Variants in ZEB1 observed in about 807,000 individuals in gnomAD.
The protein encoded by ZEB1 is zinc finger E-box-binding homeobox 1.
ZEB1 carries 21 observed loss-of-function variants against 84.9 expected under a neutral mutation model. That is an observed-to-expected ratio of 0.25 (90% CI 0.18 to 0.36). ZEB1 has a LOEUF of 0.36. ZEB1 is among the 10% of genes least tolerant of loss of function. The pLI, the probability that ZEB1 is intolerant of heterozygous loss-of-function variation, is 1.00. For missense variants in ZEB1, 1,104 were observed against 1,330.2 expected, an observed-to-expected ratio of 0.83 and a Z score of 2.65; for synonymous variants, 420 against 471.1, an observed-to-expected ratio of 0.89 and a Z score of 1.41.
intron 2 of ZEB1, among the ~76,000 whole-genome samples, chr10:31,471,094 A>G (rs1187131505): frequency 7.6e-6 from 1 of 132,012 alleles, no homozygotes; most frequent in Admixed American, 7.7e-5. Context: ...AACCGGTACC[A>G]GCCGCTGCAA....
intron 1 of ZEB1, among the ~76,000 whole-genome samples, chr10:31,370,726 CTT>C (rs907164843): frequency 1.2e-4 from 18 of 152,082 alleles, no homozygotes; most frequent in Admixed American, 5.2e-4. Flanking sequence ...AGGTGTAACT[CTT>C]TCTTTCTTTG....
chr10:31,429,732 A>ATTTTTTTT (rs2057454560), intron 1 of ZEB1, among the ~76,000 whole-genome samples: 1 of 124,006 alleles, frequency 8.1e-6, no homozygotes, highest in African/African-American at 3.6e-5. Flanking sequence ...TACAGGCAGA[A>ATTTTTTTT]CTTTTTTTTT....
Position 31,527,336 on chromosome 10 carries a change from G to A in ZEB1, c.*72G>A. 6.5e-7 allele frequency: 1 copy of A among 1,535,844 alleles called. No homozygotes were observed. Among genetic ancestry groups the A allele is most frequent in the Non-Finnish European group, 8.7e-7 (1 of 1,145,026 alleles). Reference sequence around the variant, plus strand: ...TTCAATATTATCCTTGCTTTTCATGGAAACACAGTAACCTGTATGCTGTGA... The same window carrying A: ...TTCAATATTATCCTTGCTTTTCATGAAAACACAGTAACCTGTATGCTGTGA... On this transcript the variant is annotated 3_prime_UTR_variant, in exon 9 of 9. Transcript: ENST00000424869.
At chr10:31,321,587 G>A (rs374782367) in intron 1 of ZEB1, 85 of 1,613,392 alleles carry the variant, frequency 5.3e-5, no homozygotes, top group Non-Finnish European at 6.8e-5. Context: ...AATGTTGATC[G>A]CCAGAGAAAG....
intron 1 of ZEB1, among the ~76,000 whole-genome samples, chr10:31,349,449 G>C (rs1468360978): frequency 6.6e-6 from 1 of 152,150 alleles, no homozygotes; most frequent in Non-Finnish European, 1.5e-5. Flanking sequence ...TGGTGAGACT[G>C]GTGGATCATA....
At chr10:31,398,769 T>G (rs1433468197) in intron 1 of ZEB1, among the ~76,000 whole-genome samples, 2 of 152,132 alleles carry the variant, frequency 1.3e-5, no homozygotes, top group East Asian at 3.9e-4. Flanking sequence ...GCCTTTTAGA[T>G]ACTATACTAC....
chr10:31,463,061 T>C (rs925164383), intron 2 of ZEB1, among the ~76,000 whole-genome samples: 5 of 152,298 alleles, frequency 3.3e-5, no homozygotes, highest in Middle Eastern at 3.4e-3. Context: ...CTGTTAATGT[T>C]AATACTAAGC....
intron 1 of ZEB1, among the ~76,000 whole-genome samples, chr10:31,409,585 T>A (rs890650345): frequency 1.3e-5 from 2 of 152,208 alleles, no homozygotes; most frequent in African/African-American, 4.8e-5. Context: ...ACATTCAATT[T>A]GTAAATTACC....
chr10:31,473,297 T>C (rs1217381459), intron 2 of ZEB1, among the ~76,000 whole-genome samples: 1 of 149,158 alleles, frequency 6.7e-6, no homozygotes, highest in African/African-American at 2.5e-5. Flanking sequence ...CATGATTGTA[T>C]ATCTAGAAAA....
intron 3 of ZEB1, among the ~76,000 whole-genome samples, chr10:31,501,750 A>G: frequency 6.6e-6 from 1 of 152,150 alleles, no homozygotes; most frequent in East Asian, 1.9e-4. Context: ...TATAAATTTT[A>G]TACAGAGTTG....
intron 1 of ZEB1, among the ~76,000 whole-genome samples, chr10:31,420,167 T>G (rs556187624): frequency 6.6e-6 from 1 of 152,280 alleles, no homozygotes; most frequent in Admixed American, 6.5e-5. Context: ...TCTTCTTTAC[T>G]CTTAGAAAAG....
rs1476286159 is a variant in ZEB1, at chr10:31,319,273, G to A, written c.39G>A (p.Ala13=). ...DGPRCKRRKQ[A]NPRRNNVTNY... ...CCAGGTGTAAGCGCAGAAAGCAGGC[G>A]AACCCGCGGCGCAATAACGGTGAGT... is the stretch of plus-strand genomic sequence containing the variant. The change falls in exon 1 of 9, where the codon GCG becomes GCA. Residue 13 remains alanine, a synonymous_variant. Transcript: ENST00000424869. The A allele has an allele frequency of 3.1e-6, 5 of 1,609,948 alleles. No individual in the cohort carries two copies. Among genetic ancestry groups the A allele is most frequent in the Non-Finnish European group, 4.2e-6 (5 of 1,178,648 alleles).
At chr10:31,426,255 C>A (rs1019595443) in intron 1 of ZEB1, among the ~76,000 whole-genome samples, 2 of 152,122 alleles carry the variant, frequency 1.3e-5, no homozygotes, top group African/African-American at 2.4e-5. Flanking sequence ...AAGATTCAAG[C>A]TATAAGTTGA....
intron 1 of ZEB1, among the ~76,000 whole-genome samples, chr10:31,425,743 C>T (rs1414287453): frequency 6.6e-6 from 1 of 151,844 alleles, no homozygotes. Context: ...TCTTGATTTC[C>T]TCTTGTCTTA....
rs578033653 is a variant in ZEB1, at chr10:31,520,945, G to A, written c.1613G>A (p.Cys538Tyr). Residue 538 changes from cysteine (C) to tyrosine (Y), a missense_variant, in exon 7 of 9, where the codon TGT (cysteine) becomes TAT (tyrosine). Cys to Tyr is a radical substitution (Grantham distance 194). This residue lies in a region of ZEB1 where 531 missense variants were observed against 575.2 expected (regional missense o/e 0.92). Transcript: ENST00000424869. This position sits in a 1 kb window ranked among gnomAD's most constrained non-coding sequence, Gnocchi z 5.1. ...NDSTCLLCDD[C>Y]PGDINALPEL... ...AGCACTTGTCTTCTGTGTGATGATT[G>A]TCCAGGAGATATTAATGCACTTCCA... 88 of 1,614,064 alleles carry A rather than the reference G, an allele frequency of 5.5e-5. No homozygotes were observed. In the South Asian group the frequency reaches 6.0e-4, roughly 11 times the overall value.
intron 1 of ZEB1, chr10:31,355,318 C>G (rs1238128384): frequency 6.6e-6 from 1 of 152,036 alleles, no homozygotes; most frequent in African/African-American, 2.4e-5. Context: ...AACAATAATT[C>G]ATTTATCTGT....
chr10:31,465,267 T>C (rs2062265962), intron 2 of ZEB1, among the ~76,000 whole-genome samples: 1 of 152,006 alleles, frequency 6.6e-6, no homozygotes, highest in South Asian at 2.1e-4. Context: ...AGTATGTAAA[T>C]TGTGGTATAA....
At chr10:31,450,887 T>TGTGTGTGTGC (rs1228560969) in intron 1 of ZEB1, among the ~76,000 whole-genome samples, 1 of 152,068 alleles carries the variant, frequency 6.6e-6, no homozygotes, top group Non-Finnish European at 1.5e-5. Context: ...TGTGTGTGTG[T>TGTGTGTGTGC]GTGCGTGCGT....
In ZEB1 at chr10:31,374,761, A is replaced by G. The variant is rs369416247; in HGVS notation, c.58+55469A>G. 6 of 151,970 alleles carry G rather than the reference A, an allele frequency of 3.9e-5. No homozygotes were observed. The East Asian group carries it at 9.6e-4, about 24-fold the overall frequency. The allele number at this position is 151,970 out of a possible 1,614,324, so 9.4% of individuals were successfully genotyped here. On this transcript the variant is annotated intron_variant, in intron 1 of 8. Coordinates refer to ENST00000424869, the MANE Select transcript of ZEB1 (RefSeq NM_001174096.2). ...GCATCAGAAAGACTAAATTCTAACC[A>G]TAGAGAAATACATTTTTTATGCTGC...
Sources: gnomAD v4.1 joint callset for allele counts (sites outside exome capture counted in the v4.1 genomes callset) on GRCh38, gnomAD v4.1.1 for gene constraint, gnomAD v4.1.1 regional missense constraint, Gnocchi (gnomAD v3.1) non-coding constraint, MANE v1.5 for transcripts, NCBI Gene and HGNC (gene_info 2026-07-23, HGNC 2026-07-21) for gene names.